Variants in GSN observed in about 807,000 individuals in gnomAD.
GSN encodes actin-depolymerizing factor.
GSN carries 56 observed loss-of-function variants against 85.7 expected under a neutral mutation model. The observed-to-expected ratio is 0.65, with a 90% CI of 0.53 to 0.82. GSN has a LOEUF of 0.82. Among genes scored for constraint, GSN ranks in the 40% least tolerant of loss-of-function variants. GSN has a pLI of 0.00. For synonymous variants in GSN, 373 were observed against 399.1 expected, an observed-to-expected ratio of 0.93 and a Z score of 0.78; for missense variants, 857 against 979.8, an observed-to-expected ratio of 0.87 and a Z score of 1.67.
intron 4 of GSN, among the ~76,000 whole-genome samples, chr9:121,229,114 A>C (rs1219396883): frequency 6.6e-6 from 1 of 152,292 alleles, no homozygotes; most frequent in East Asian, 1.9e-4. Context: ...ATTTTCGTCC[A>C]GTAGTATAGA....
chr9:121,286,551 C>A, intron 2 of GSN: 1 of 1,437,282 alleles, frequency 7.0e-7, no homozygotes, highest in Non-Finnish European at 9.1e-7. Context: ...CCCAATGCCC[C>A]TCCTCCGTGG....
chr9:121,211,785 C>T (rs1269225058), intron 4 of GSN, among the ~76,000 whole-genome samples: 1 of 152,166 alleles, frequency 6.6e-6, no homozygotes, highest in East Asian at 1.9e-4. Flanking sequence ...TCTATCTCCT[C>T]TTCCGTTCTC....
At chr9:121,256,885 C>A (rs1216557804) in intron 6 of GSN, among the ~76,000 whole-genome samples, 1 of 151,234 alleles carries the variant, frequency 6.6e-6, no homozygotes, top group Non-Finnish European at 1.5e-5. Context: ...AATGAGACTC[C>A]ATCTCAAAAA....
Position 121,329,005 on chromosome 9 carries a change from G to T in GSN, c.1877G>T (p.Gly626Val). The T allele has an allele frequency of 6.2e-7, 1 of 1,613,858 alleles. No individual in the cohort carries two copies. The highest frequency in any genetic ancestry group is 8.5e-7 in the Non-Finnish European group (1 of 1,180,022). ...PRLFACSNKI[G>V]RFVIEEVPGE... ...CTCTTTGCCTGCTCCAACAAGATTG[G>T]ACGTTTTGTGGTGAGCCCCTGCGGA... Residue 626 changes from glycine to valine, a missense_variant, in exon 15 of 18, where the codon GGA becomes GTA. By Grantham distance (109) the Gly-to-Val change is moderately radical. Coordinates refer to ENST00000432226, the MANE Select transcript of GSN (RefSeq NM_198252.3). This position sits in a 1 kb window ranked among gnomAD's most constrained non-coding sequence, Gnocchi z 4.6.
chr9:121,245,355 T>C (rs998878429), intron 5 of GSN, among the ~76,000 whole-genome samples: 1 of 152,144 alleles, frequency 6.6e-6, no homozygotes, highest in African/African-American at 2.4e-5. Flanking sequence ...TACCTTTTCT[T>C]TCTTTCTTTC....
intron 4 of GSN, among the ~76,000 whole-genome samples, chr9:121,229,739 TA>T (rs2054350908): frequency 6.6e-6 from 1 of 152,250 alleles, no homozygotes; most frequent in African/African-American, 2.4e-5. Flanking sequence ...ATCTTCATTG[TA>T]AAGTTACCTA....
rs774617795 is a variant in GSN at position 121,302,094 on chromosome 9, C to T, written c.123C>T (p.Gly41=). ...ACCTTTATGGAGACTTCTTCACGGG[C>T]GACGCCTACGTCATCCTGAAGACAG... ...PTNLYGDFFT[G]DAYVILKTVQ... is the part of the protein sequence containing the mutation. Residue 41 remains glycine, a synonymous_variant, in exon 3 of 18, where the codon GGC becomes GGT. Coordinates refer to ENST00000432226, the MANE Select transcript of GSN (RefSeq NM_198252.3). 15 of 1,614,022 alleles carry T rather than the reference C, an allele frequency of 9.3e-6. No individual in the cohort carries two copies. Among genetic ancestry groups the T allele is most frequent in the South Asian group, 2.2e-5 (2 of 91,088 alleles).
rs2059944864 is a variant in GSN at position 121,302,158 on chromosome 9, T to C, written c.187T>C (p.Tyr63His). ...CGGAAATCTGCAGTATGACCTCCAC[T>C]ACTGGCTGGGTGAGGCTGGCCCTGC... The part of the protein sequence containing the change: ...RNGNLQYDLH[Y>H]WLGNECSQDE... The change falls in exon 3 of 18, where the codon TAC becomes CAC. Residue 63 changes from tyrosine (Y) to histidine (H), a missense_variant. Tyr to His is a moderately conservative substitution (Grantham distance 83, BLOSUM62 2). Transcript: ENST00000432226. 1 of 1,613,866 alleles carries C rather than the reference T, an allele frequency of 6.2e-7. No homozygotes were observed. The highest frequency in any genetic ancestry group is 8.5e-7 in the Non-Finnish European group (1 of 1,179,944).
intron 1 of GSN, chr9:121,280,856 A>T (rs140024217): frequency 9.0e-4 from 137 of 152,386 alleles, no homozygotes; most frequent in African/African-American, 3.0e-3. Flanking sequence ...TGTAAACTGA[A>T]TTCAGCCATG....
intron 17 of GSN, 31 bp downstream of exon 17, chr9:121,331,479 A>AGGGGGGG: frequency 1.9e-6 from 2 of 1,033,134 alleles, no homozygotes; most frequent in Admixed American, 2.0e-5. Flanking sequence ...GGGCGGGGGG[A>AGGGGGGG]GGGGTCCGTT....
chr9:121,295,514 T>C (rs1056755491), intron 2 of GSN, among the ~76,000 whole-genome samples: 3 of 151,716 alleles, frequency 2.0e-5, no homozygotes, highest in Non-Finnish European at 4.4e-5. Context: ...AAGAACAGGG[T>C]GGTGTCTTCC....
chr9:121,230,033 G>C (rs1289267018), intron 4 of GSN, among the ~76,000 whole-genome samples: 1 of 152,122 alleles, frequency 6.6e-6, no homozygotes. Flanking sequence ...CCTTTGAGTA[G>C]AGGGATATTT....
At chr9:121,202,552 C>T in the GSN span, among the ~76,000 whole-genome samples, 12,303 of 152,086 alleles carry the variant, frequency 0.081, 1,175 homozygotes, top group African/African-American at 0.22. Context: ...ATTTGTCTAC[C>T]ACCTGCCATC....
At chr9:121,254,848 C>G (rs955944789) in intron 6 of GSN, among the ~76,000 whole-genome samples, 8 of 152,240 alleles carry the variant, frequency 5.3e-5, no homozygotes, top group African/African-American at 1.7e-4. Flanking sequence ...ACCTAGTATT[C>G]TCCCCAGGGG....
At chr9:121,256,602 G>A (rs2054966025) in intron 6 of GSN, among the ~76,000 whole-genome samples, 1 of 152,170 alleles carries the variant, frequency 6.6e-6, no homozygotes, top group Admixed American at 6.5e-5. Flanking sequence ...TCTAGGCTGG[G>A]CTCGGTGGCT....
rs1197270565 is a variant in GSN at position 121,313,973 on chromosome 9, G to A, written c.703G>A (p.Asp235Asn). 7 of 1,614,120 alleles carry A rather than the reference G, an allele frequency of 4.3e-6. No homozygotes were observed. The African/African-American group carries it at 5.3e-5, about 12-fold the overall frequency. ...PKPALPAGTE[D>N]TAKEDAANRK... ...GCCGGCTCTGCCTGCAGGTACCGAGGACACCGCCAAGGAGGATGCGGCCAA... is the reference window on the plus strand; with the variant it reads ...GCCGGCTCTGCCTGCAGGTACCGAGAACACCGCCAAGGAGGATGCGGCCAA... The change falls in exon 7 of 18, where the codon GAC (aspartate) becomes AAC (asparagine). Residue 235 changes from aspartate (D) to asparagine (N), a missense_variant. Transcript: ENST00000432226.
chr9:121,262,755 C>T (rs2055113522), intron 6 of GSN, among the ~76,000 whole-genome samples: 1 of 152,182 alleles, frequency 6.6e-6, no homozygotes, highest in Non-Finnish European at 1.5e-5. Flanking sequence ...TTTAAGTTCT[C>T]ATTAAAATAG....
intron 11 of GSN, among the ~76,000 whole-genome samples, chr9:121,323,069 G>T (rs956853717): frequency 6.6e-6 from 1 of 152,016 alleles, no homozygotes; most frequent in African/African-American, 2.4e-5. Flanking sequence ...TCCTCTAAGC[G>T]ATCTGCCTGC....
At chr9:121,262,092 AAAC>A (rs2055098391) in intron 6 of GSN, among the ~76,000 whole-genome samples, 1 of 152,244 alleles carries the variant, frequency 6.6e-6, no homozygotes, top group African/African-American at 2.4e-5. Flanking sequence ...CCATACAAAG[AAAC>A]AACGAGCTGT....
Sources: gnomAD v4.1 joint callset for allele counts (sites outside exome capture counted in the v4.1 genomes callset) on GRCh38, gnomAD v4.1.1 for gene constraint, Gnocchi (gnomAD v3.1) non-coding constraint, MANE v1.5 for transcripts, NCBI Gene and HGNC (gene_info 2026-07-23, HGNC 2026-07-21) for gene names.